Variants in CDKAL1 observed in about 807,000 individuals in gnomAD.
The protein encoded by CDKAL1 is CDKAL1 threonylcarbamoyladenosine tRNA methylthiotransferase, also known as threonylcarbamoyladenosine tRNA methylthiotransferase.
A neutral mutation model predicts 68.2 loss-of-function variants in CDKAL1; 32 were observed. That is an observed-to-expected ratio of 0.47 (90% CI 0.35 to 0.63). The LOEUF (loss-of-function observed/expected upper bound fraction) is 0.63, where lower values mean the gene tolerates loss of function less well. Ranked by LOEUF, CDKAL1 falls within the 30% of genes least tolerant of loss-of-function variation. The pLI is 0.00. For synonymous variants in CDKAL1, 234 were observed against 244.3 expected (o/e 0.96, Z 0.39); for missense variants, 606 against 696.7 (o/e 0.87, Z 1.47).
intron 8 of CDKAL1, among the ~76,000 whole-genome samples, chr6:20,815,475 C>A (rs947870877): frequency 1.8e-4 from 28 of 151,982 alleles, no homozygotes; most frequent in Non-Finnish European, 3.5e-4. Flanking sequence ...AAATCACTTA[C>A]AGAAGTTTGT....
intron 13 of CDKAL1, among the ~76,000 whole-genome samples, chr6:21,115,443 G>A (rs1478876560): frequency 6.6e-6 from 1 of 152,118 alleles, no homozygotes; most frequent in African/African-American, 2.4e-5. Context: ...TAATGGATCC[G>A]GCACTCTATG....
At chr6:20,703,106 G>T (rs1037810511) in intron 5 of CDKAL1, among the ~76,000 whole-genome samples, 4 of 152,196 alleles carry the variant, frequency 2.6e-5, no homozygotes, top group Admixed American at 2.6e-4. Flanking sequence ...AACCTCCATT[G>T]TAAGTTGACT....
intron 5 of CDKAL1, among the ~76,000 whole-genome samples, chr6:20,711,145 A>T (rs943587651): frequency 9.2e-5 from 14 of 152,322 alleles, no homozygotes; most frequent in South Asian, 4.1e-4. Flanking sequence ...AAAGCAAATA[A>T]AAGTTGTGAG....
intron 10 of CDKAL1, among the ~76,000 whole-genome samples, chr6:20,981,720 A>G (rs1766159360): frequency 1.3e-5 from 2 of 152,178 alleles, no homozygotes; most frequent in Admixed American, 6.5e-5. Flanking sequence ...AGGTGCCTAT[A>G]ATCCCAGCTA....
chr6:21,002,166 AT>A (rs1458159010), intron 11 of CDKAL1, among the ~76,000 whole-genome samples: 11 of 152,152 alleles, frequency 7.2e-5, no homozygotes, highest in African/African-American at 2.4e-4. Context: ...TAAAAAGATG[AT>A]CATGTCAGGT....
At position 20,685,631 on chromosome 6, in the gene CDKAL1, A is replaced by G. The variant is rs573427215; in HGVS notation, c.371+36254A>G. 3.3e-5 allele frequency among the ~76,000 whole-genome samples: 5 copies of G among 152,360 alleles called. No individual in the cohort carries two copies. In the South Asian group the frequency reaches 1.0e-3, roughly 32 times the overall value. ...ACAATATTGAGGCTTCCTATCCTAA[A>G]TATGGAATATCTCTTCATTTATTTA... On this transcript the variant is annotated intron_variant, in intron 5 of 15. Transcript: ENST00000274695.
At chr6:20,699,775 G>T (rs978452955) in intron 5 of CDKAL1, among the ~76,000 whole-genome samples, 6 of 151,938 alleles carry the variant, frequency 3.9e-5, no homozygotes, top group Admixed American at 2.6e-4. Context: ...CTTAATGAGT[G>T]GTCAATTTAG....
At chr6:20,603,047 G>A (rs1308820817) in intron 4 of CDKAL1, among the ~76,000 whole-genome samples, 1 of 152,226 alleles carries the variant, frequency 6.6e-6, no homozygotes, top group East Asian at 1.9e-4. Context: ...GAAACAAGGA[G>A]GATACTGTGA....
In CDKAL1 at chr6:20,657,362, C is replaced by G. The variant is rs531436409; in HGVS notation, c.371+7985C>G. Among the ~76,000 whole-genome samples the G allele has an allele frequency of 5.9e-5, 9 of 152,282 alleles. No individual in the cohort carries two copies. The South Asian group carries it at 1.9e-3, about 32-fold the overall frequency. On this transcript the variant is annotated intron_variant, in intron 5 of 15. Transcript: ENST00000274695. ...CTTTATACCCAAATGTAAAGATTTA[C>G]AGCAGTGGGGTGGGACCTGTCTTTT...
At chr6:20,951,367 CAA>C (rs1764516051) in intron 9 of CDKAL1, among the ~76,000 whole-genome samples, 1 of 152,120 alleles carries the variant, frequency 6.6e-6, no homozygotes, top group South Asian at 2.1e-4. Context: ...TTTGATTTTT[CAA>C]AGAGGATTTT....
At chr6:21,030,212 G>A (rs1041105949) in intron 11 of CDKAL1, among the ~76,000 whole-genome samples, 3 of 152,134 alleles carry the variant, frequency 2.0e-5, no homozygotes, top group Non-Finnish European at 2.9e-5. Flanking sequence ...ATCATCCTCA[G>A]CAAACTAACA....
chr6:20,720,789 G>A (rs527553555), intron 5 of CDKAL1, among the ~76,000 whole-genome samples: 41 of 152,264 alleles, frequency 2.7e-4, no homozygotes, highest in Admixed American at 3.9e-4. Context: ...GTGAGCCCTC[G>A]CACTGGCCTC....
intron 13 of CDKAL1, among the ~76,000 whole-genome samples, chr6:21,162,849 GC>G: frequency 6.6e-6 from 1 of 152,104 alleles, no homozygotes; most frequent in Non-Finnish European, 1.5e-5. Flanking sequence ...GATCACTTGA[GC>G]CCAGGAGTTT....
intron 15 of CDKAL1, among the ~76,000 whole-genome samples, chr6:21,223,828 C>A (rs1779624358): frequency 6.6e-6 from 1 of 152,166 alleles, no homozygotes; most frequent in Non-Finnish European, 1.5e-5. Flanking sequence ...TCCCCATTTT[C>A]TTAGGAAGCA....
intron 4 of CDKAL1, among the ~76,000 whole-genome samples, chr6:20,638,958 C>T (rs928347220): frequency 2.6e-5 from 4 of 151,918 alleles, no homozygotes; most frequent in Non-Finnish European, 5.9e-5. Flanking sequence ...GCAGTAACTT[C>T]TGAAATAATT....
At chr6:21,225,655 C>G (rs1234118552) in intron 15 of CDKAL1, among the ~76,000 whole-genome samples, 1 of 152,136 alleles carries the variant, frequency 6.6e-6, no homozygotes, top group Non-Finnish European at 1.5e-5. Context: ...TTTAAACTAC[C>G]TGCCTAAGAT....
intron 11 of CDKAL1, among the ~76,000 whole-genome samples, chr6:21,014,858 G>C (rs1170467476): frequency 6.6e-6 from 1 of 152,166 alleles, no homozygotes; most frequent in East Asian, 1.9e-4. Context: ...AGCTGTCTGT[G>C]TTGAGTGACT....
intron 13 of CDKAL1, among the ~76,000 whole-genome samples, chr6:21,166,618 A>G (rs1777165817): frequency 1.3e-5 from 2 of 152,268 alleles, no homozygotes; most frequent in South Asian, 2.1e-4. Context: ...CTCATCTGAA[A>G]TTTCACTATT....
chr6:21,059,849 G>A (rs1471474957), intron 11 of CDKAL1, among the ~76,000 whole-genome samples: 2 of 152,134 alleles, frequency 1.3e-5, no homozygotes, highest in Middle Eastern at 3.4e-3. Flanking sequence ...AGATTTTAGT[G>A]TACCCTTCAC....
Sources: allele counts gnomAD v4.1 joint callset (sites outside exome capture counted in the v4.1 genomes callset), GRCh38; gene constraint gnomAD v4.1.1; transcripts MANE v1.5; gene names NCBI Gene and HGNC (gene_info 2026-07-23, HGNC 2026-07-21).